EGFR: variants seen among roughly 807,000 people sequenced by gnomAD.
EGFR encodes the protein avian erythroblastic leukemia viral (v-erb-b) oncogene homolog.
EGFR carries 58 observed loss-of-function variants against 143.0 expected under a neutral mutation model. The observed-to-expected ratio is 0.41, with a 90% CI of 0.33 to 0.50. The LOEUF (loss-of-function observed/expected upper bound fraction) is 0.50, where lower values mean the gene tolerates loss of function less well. EGFR is among the 20% of genes least tolerant of loss of function. The pLI is 0.39. For missense variants in EGFR, 1,307 were observed against 1,579.0 expected (o/e 0.83, Z 2.92); for synonymous variants, 613 against 594.4 (o/e 1.03, Z -0.45).
In EGFR at chr7:55,205,725, C is replaced by T. The variant is rs954396966; in HGVS notation, c.*108C>T. 2.5e-6 allele frequency: 4 copies of T among 1,580,270 alleles called. No homozygotes were observed. The highest frequency in any genetic ancestry group is 3.5e-6 in the Non-Finnish European group (4 of 1,155,210). ...GCCATGCCCGCATTAGCTCTTAGAC[C>T]CACAGACTGGTTTTGCAACGTTTAC... On this transcript the variant is annotated 3_prime_UTR_variant, in exon 28 of 28. Coordinates refer to ENST00000275493, the MANE Select transcript of EGFR (RefSeq NM_005228.5).
intron 1 of EGFR, among the ~76,000 whole-genome samples, chr7:55,096,743 C>T (rs938755462): frequency 6.6e-5 from 10 of 152,180 alleles, no homozygotes; most frequent in African/African-American, 2.4e-4. Context: ...CACGCTGCAG[C>T]AGAGGCCCTG....
chr7:55,102,511 G>A (rs1791888854), intron 1 of EGFR, among the ~76,000 whole-genome samples: 1 of 152,158 alleles, frequency 6.6e-6, no homozygotes, highest in African/African-American at 2.4e-5. Context: ...CATGCACACT[G>A]AACTGCAGCG....
Position 55,155,301 on chromosome 7 carries a change from G to T in EGFR, c.890-529G>T, listed in dbSNP as rs113033503. ...TACTAAAAATACAAAAATTAGCCGGGCGTGGTGGCGCACGCCTGTAATCAC... is the reference window on the plus strand; with the variant it reads ...TACTAAAAATACAAAAATTAGCCGGTCGTGGTGGCGCACGCCTGTAATCAC... On this transcript the variant is annotated intron_variant, in intron 7 of 27. Transcript: ENST00000275493. Among the ~76,000 whole-genome samples, 6 of 152,308 alleles carry T rather than the reference G, an allele frequency of 3.9e-5. No homozygotes were observed. In the East Asian group the frequency reaches 7.7e-4, roughly 20 times the overall value.
chr7:55,121,856 C>T (rs956625973), intron 1 of EGFR, among the ~76,000 whole-genome samples: 2 of 152,194 alleles, frequency 1.3e-5, no homozygotes, highest in African/African-American at 4.8e-5. Flanking sequence ...CTCTGTGCGA[C>T]AGTGACCTTG....
chr7:55,177,674 A>G (rs1786656317), intron 19 of EGFR, among the ~76,000 whole-genome samples: 1 of 152,218 alleles, frequency 6.6e-6, no homozygotes, highest in African/African-American at 2.4e-5. Flanking sequence ...ACCAAAAGTC[A>G]TGTCAGCAGT....
intron 1 of EGFR, among the ~76,000 whole-genome samples, chr7:55,058,563 T>C (rs915044734): frequency 1.3e-5 from 2 of 152,160 alleles, no homozygotes; most frequent in South Asian, 4.1e-4. Context: ...TGCGGGGACA[T>C]GGATGGAACT....
intron 11 of EGFR, among the ~76,000 whole-genome samples, chr7:55,159,232 A>G (rs914346027): frequency 5.3e-5 from 8 of 151,770 alleles, no homozygotes; most frequent in African/African-American, 1.9e-4. Context: ...TCTCACACCC[A>G]TCGTGGTCCG....
At chr7:55,161,370 G>T (rs533766849) in intron 12 of EGFR, 129 bp from the exon 13 acceptor site, 1 of 1,297,220 alleles carries the variant, frequency 7.7e-7, no homozygotes, top group African/African-American at 1.5e-5. Flanking sequence ...CCTCCTTCAG[G>T]GGTAGCCAGC....
chr7:55,194,172 C>T (rs998585205), intron 22 of EGFR, among the ~76,000 whole-genome samples: 4 of 152,068 alleles, frequency 2.6e-5, no homozygotes, highest in Non-Finnish European at 5.9e-5. Flanking sequence ...CTCCCCTCTT[C>T]CCACTTGCTC....
chr7:55,192,375 T>C (rs1248828713), intron 21 of EGFR, among the ~76,000 whole-genome samples: 1 of 152,156 alleles, frequency 6.6e-6, no homozygotes, highest in African/African-American at 2.4e-5. Context: ...GCGCGTCCCC[T>C]GTCAGGCCCT....
In EGFR at chr7:55,210,953, G is replaced by C. The variant is rs1788223115; in HGVS notation, c.*5336G>C. The C allele has an allele frequency of 6.6e-6, 1 of 152,168 alleles. No individual in the cohort carries two copies. The highest frequency in any genetic ancestry group is 1.5e-5 in the Non-Finnish European group (1 of 68,032). The allele number at this position is 152,168 out of a possible 1,614,324, so 9.4% of individuals were successfully genotyped here. On this transcript the variant is annotated 3_prime_UTR_variant, in exon 28 of 28. Transcript: ENST00000275493. ...AGAGGATTGAGTAAGTAGTTGGATG[G>C]CTTTCATAAAAACAAGAATTCAAGA...
Position 55,205,506 on chromosome 7 carries a change from G to C in EGFR, c.3522G>C (p.Gln1174His). The change falls in exon 28 of 28, where the codon CAG (glutamine) becomes CAC (histidine). Residue 1174 changes from glutamine (Q) to histidine (H), a missense_variant. Physicochemically the swap from Gln to His is conservative, Grantham distance 24. Transcript: ENST00000275493. ...GCCTGGACAACCCTGACTACCAGCA[G>C]GACTTCTTTCCCAAGGAAGCCAAGC... ...QISLDNPDYQ[Q>H]DFFPKEAKPN... The C allele has an allele frequency of 6.2e-7, 1 of 1,614,176 alleles. No individual in the cohort carries two copies. Among genetic ancestry groups the C allele is most frequent in the Non-Finnish European group, 8.5e-7 (1 of 1,180,038 alleles).
At chr7:55,110,646 T>A (rs2128907473) in intron 1 of EGFR, among the ~76,000 whole-genome samples, 1 of 152,382 alleles carries the variant, frequency 6.6e-6, no homozygotes, top group Non-Finnish European at 1.5e-5. Context: ...GCAAAGCAAC[T>A]TTCCAGTCTG....
Position 55,198,730 on chromosome 7 carries a change from G to A in EGFR, c.2715G>A (p.Trp905Ter), listed in dbSNP as rs2128968646. Residue 905 changes from tryptophan to a stop codon, truncating the protein, a stop_gained, in exon 23 of 28, where the codon TGG becomes TGA. Transcript: ENST00000275493. LOFTEE classifies it high-confidence loss of function. ...TCATCCTCTCAGGGGTGACTGTTTG[G>A]GAGTTGATGACCTTTGGATCCAAGC... ...SDVWSYGVTV[W>*]ELMTFGSKPY... The A allele has an allele frequency of 6.2e-7, 1 of 1,614,202 alleles. No individual in the cohort carries two copies. The highest frequency in any genetic ancestry group is 8.5e-7 in the Non-Finnish European group (1 of 1,180,046).
At chr7:55,123,735 A>T (rs1793350581) in intron 1 of EGFR, among the ~76,000 whole-genome samples, 2 of 152,256 alleles carry the variant, frequency 1.3e-5, no homozygotes, top group South Asian at 4.1e-4. Context: ...GAAAGCCTAG[A>T]AGAGAAGAAA....
intron 1 of EGFR, among the ~76,000 whole-genome samples, chr7:55,069,489 A>G (rs1433398477): frequency 4.6e-5 from 7 of 152,204 alleles, no homozygotes; most frequent in Non-Finnish European, 8.8e-5. Context: ...ATGGGGCCTC[A>G]CAGGCCCTGG....
intron 12 of EGFR, 53 bp from the exon 13 acceptor site, chr7:55,161,437 TCCTCCGGCC>T (rs994176224): frequency 1.3e-6 from 2 of 1,566,716 alleles, no homozygotes; most frequent in African/African-American, 2.7e-5. Context: ...AGGTGCCGTC[TCCTCCGGCC>T]CCTCGGGTCC....
intron 15 of EGFR, chr7:55,168,520 C>G (rs2128949419): frequency 1.3e-6 from 2 of 1,542,706 alleles, no homozygotes; most frequent in African/African-American, 1.4e-5. Context: ...TATTTTTTCC[C>G]AGGTCCTAAT....
Position 55,049,282 on chromosome 7 carries a change from A to G in EGFR, c.88+29917A>G, listed in dbSNP as rs192756272. On this transcript the variant is annotated intron_variant, in intron 1 of 27. Transcript: ENST00000275493. The stretch of plus-strand genomic sequence containing the variant: ...TTTATAAGCTCCTGCAGGAGACACA[A>G]AAAGAAGAGAATTTGAATATAACTT... Among the ~76,000 whole-genome samples the G allele has an allele frequency of 6.6e-5, 10 of 152,278 alleles. No individual in the cohort carries two copies. The East Asian group carries it at 1.9e-3, about 29-fold the overall frequency.
Sources: allele counts gnomAD v4.1 joint callset (sites outside exome capture counted in the v4.1 genomes callset), GRCh38; gene constraint gnomAD v4.1.1; transcripts MANE v1.5; gene names NCBI Gene and HGNC (gene_info 2026-07-23, HGNC 2026-07-21).